Variants in TRRAP observed in about 807,000 individuals in gnomAD.
TRRAP encodes transformation/transcription domain associated protein, also known as transformation/transcription domain-associated protein.
TRRAP carries 41 observed loss-of-function variants against 438.8 expected under a neutral mutation model. The ratio of observed to expected loss-of-function variants is 0.09; its 90% CI spans 0.07 to 0.12. The LOEUF is 0.12. Among genes scored for constraint, TRRAP ranks in the 10% least tolerant of loss-of-function variants. The pLI is 1.00. For synonymous variants in TRRAP, 1,994 were observed against 1,962.9 expected (o/e 1.02, Z -0.42); for missense variants, 3,122 against 5,055.1 (o/e 0.62, Z 11.60).
Position 99,007,461 on chromosome 7 carries a change from G to A in TRRAP, c.10754-916G>A, listed in dbSNP as rs576574997. On this transcript the variant is annotated intron_variant, in intron 69 of 72. Transcript: ENST00000456197. ...CCTCCTGGGTTCAAGCAATTCTTCT[G>A]CCTCAGCCTCCCGAGTAGCTGGGAC... 2.1e-3 allele frequency among the ~76,000 whole-genome samples: 316 copies of A among 151,866 alleles called. 1 individual carries two copies. The highest frequency in any genetic ancestry group is 7.3e-3 in the African/African-American group (301 of 41,410).
intron 21 of TRRAP, among the ~76,000 whole-genome samples, chr7:98,924,637 G>A (rs550871817): frequency 1.7e-4 from 22 of 131,674 alleles, no homozygotes; most frequent in Admixed American, 5.3e-4. Context: ...TGCAGTGAGC[G>A]GAGATGGCAC....
chr7:98,908,755 C>T lies in TRRAP; in HGVS notation c.1143C>T (p.Asp381=), dbSNP rs782278872. The T allele has an allele frequency of 4.8e-5, 75 of 1,561,620 alleles. No homozygotes were observed. The highest frequency in any genetic ancestry group is 6.1e-5 in the Non-Finnish European group (70 of 1,153,776). ...LRPLAYSTLA[D]LVHHVRQHLP... ...CCCTCGCCTACAGCACGCTGGCCGA[C>T]CTCGTGCACCATGTCCGCCAGCACC... The change falls in exon 14 of 73, where the codon GAC becomes GAT. Residue 381 remains aspartate (D), a synonymous_variant. Coordinates refer to ENST00000456197, the MANE Select transcript of TRRAP (RefSeq NM_001375524.1). This position sits in a 1 kb window ranked among gnomAD's most constrained non-coding sequence, Gnocchi z 4.1.
chr7:98,914,595 A>T (rs538489732), intron 18 of TRRAP, among the ~76,000 whole-genome samples: 15 of 151,766 alleles, frequency 9.9e-5, no homozygotes, highest in African/African-American at 3.4e-4. Context: ...CATGCCTGTA[A>T]TCTCAGCTAC....
intron 67 of TRRAP, among the ~76,000 whole-genome samples, chr7:99,001,489 A>G (rs1040539025): frequency 5.9e-5 from 9 of 152,232 alleles, no homozygotes; most frequent in African/African-American, 1.9e-4. Context: ...TATTAAATCA[A>G]AAAAGTAGAG....
rs572667052 is a variant in TRRAP, at chr7:98,957,638, A to G, written c.6232-343A>G. 2.2e-3 allele frequency among the ~76,000 whole-genome samples: 334 copies of G among 152,148 alleles called. 1 individual carries two copies. Among genetic ancestry groups the G allele is most frequent in the African/African-American group, 7.7e-3 (320 of 41,502 alleles). ...GGTTCTGGCCCTGTGCTCACTCAGG[A>G]TGTGTCCCCTGGCCTTTTCCCTCCA... On this transcript the variant is annotated intron_variant, in intron 43 of 72. Coordinates refer to ENST00000456197, the MANE Select transcript of TRRAP (RefSeq NM_001375524.1).
chr7:98,980,245 C>T (rs1792852482), intron 58 of TRRAP, among the ~76,000 whole-genome samples: 1 of 152,090 alleles, frequency 6.6e-6, no homozygotes, highest in Non-Finnish European at 1.5e-5. Context: ...GCATGCAGTC[C>T]TTGGGACAGA....
At chr7:98,958,139 T>C in intron 44 of TRRAP, 48 bp downstream of exon 44, 10 of 1,527,880 alleles carry the variant, frequency 6.5e-6, no homozygotes, top group Non-Finnish European at 8.1e-6. Context: ...GACCAGAGGC[T>C]ACTGACTAAC....
In TRRAP at chr7:98,892,509, T is replaced by G; in HGVS notation, c.347T>G (p.Val116Gly). The G allele has an allele frequency of 6.2e-7, 1 of 1,611,522 alleles. No individual in the cohort carries two copies. The highest frequency in any genetic ancestry group is 1.7e-5 in the Admixed American group (1 of 59,204). Residue 116 changes from valine to glycine, a missense_variant, in exon 5 of 73, where the codon GTG becomes GGG. By Grantham distance (109) the Val-to-Gly change is moderately radical. Around this residue, in one of 24 missense-constraint regions of TRRAP, gnomAD observed 343 missense variants for 564.0 expected, o/e 0.61. Transcript: ENST00000456197. ...CCTCACACAAAAAATGTTTTGTCTG[T>G]GATGTTTCGCTTTTTAGAGGTAAGT... ...LRPHTKNVLS[V>G]MFRFLETENE...
chr7:98,955,512 CTT>C (rs1791558276), intron 41 of TRRAP, among the ~76,000 whole-genome samples: 1 of 152,058 alleles, frequency 6.6e-6, no homozygotes, highest in African/African-American at 2.4e-5. Flanking sequence ...GTGTGTGTGT[CTT>C]TGCGTCTGAG....
intron 67 of TRRAP, among the ~76,000 whole-genome samples, chr7:99,000,421 C>A (rs534087866): frequency 8.3e-4 from 127 of 152,360 alleles, no homozygotes; most frequent in African/African-American, 3.0e-3. Flanking sequence ...ACTACATATA[C>A]TATGGAAATC....
At chr7:98,883,955 G>A (rs1382205397) in intron 3 of TRRAP, among the ~76,000 whole-genome samples, 4 of 152,182 alleles carry the variant, frequency 2.6e-5, no homozygotes, top group Non-Finnish European at 5.9e-5. Flanking sequence ...CTGAATTTGC[G>A]TAGGCTTGGT....
intron 47 of TRRAP, among the ~76,000 whole-genome samples, chr7:98,962,944 G>T (rs1791981081): frequency 6.6e-6 from 1 of 152,268 alleles, no homozygotes; most frequent in South Asian, 2.1e-4. Context: ...CAGTTTTGTG[G>T]CAGACACATG....
In TRRAP at chr7:98,881,175, G is replaced by T. The variant is rs377436176; in HGVS notation, c.25G>T (p.Ala9Ser). The T allele has an allele frequency of 6.2e-7, 1 of 1,609,832 alleles. No individual in the cohort carries two copies. Among genetic ancestry groups the T allele is most frequent in the Non-Finnish European group, 8.5e-7 (1 of 1,177,890 alleles). The change falls in exon 2 of 73, where the codon GCC becomes TCC. Residue 9 changes from alanine to serine, a missense_variant. This residue lies in a region of TRRAP where 343 missense variants were observed against 564.0 expected (regional missense o/e 0.61). Transcript: ENST00000456197. ...AATGGCGTTTGTTGCAACACAGGGG[G>T]CCACGGTGGTTGACCAGACCACTTT... is the stretch of plus-strand genomic sequence containing the variant. MAFVATQG[A>S]TVVDQTTLMK...
intron 39 of TRRAP, 70 bp from the exon 40 acceptor site, chr7:98,953,097 T>A: frequency 6.6e-6 from 10 of 1,525,114 alleles, no homozygotes; most frequent in African/African-American, 1.4e-5. Flanking sequence ...GGCTTAAACC[T>A]GTCGTATGAC....
At chr7:98,886,298 TC>T (rs1795691108) in intron 3 of TRRAP, among the ~76,000 whole-genome samples, 1 of 151,672 alleles carries the variant, frequency 6.6e-6, no homozygotes. Context: ...TATCTATCTA[TC>T]ATAGATATAG....
At chr7:98,923,314 C>G (rs746607139) in intron 21 of TRRAP, among the ~76,000 whole-genome samples, 1 of 152,144 alleles carries the variant, frequency 6.6e-6, no homozygotes. Context: ...GAGGTAGGAT[C>G]GTAAAGGTCT....
At chr7:98,949,183 G>A (rs1401597324) in intron 35 of TRRAP, among the ~76,000 whole-genome samples, 2 of 151,770 alleles carry the variant, frequency 1.3e-5, no homozygotes, top group Non-Finnish European at 2.9e-5. Flanking sequence ...AGTGAGCTAT[G>A]ATTTTACCAC....
chr7:98,911,339 CATTT>C, intron 17 of TRRAP, 68 bp downstream of exon 17: 1 of 1,396,058 alleles, frequency 7.2e-7, no homozygotes, highest in South Asian at 1.5e-5. Flanking sequence ...AATACTTTTT[CATTT>C]ATTTCAAGGA....
chr7:98,915,646 A>G, intron 18 of TRRAP, 77 bp from the exon 19 acceptor site: 1 of 1,510,874 alleles, frequency 6.6e-7, no homozygotes, highest in Non-Finnish European at 8.9e-7. Context: ...GTCGGATTAC[A>G]GTGACACTTT....
Sources: allele counts gnomAD v4.1 joint callset (sites outside exome capture counted in the v4.1 genomes callset), GRCh38; gene constraint gnomAD v4.1.1; regional missense constraint gnomAD v4.1.1; non-coding constraint Gnocchi (gnomAD v3.1); transcripts MANE v1.5; gene names NCBI Gene and HGNC (gene_info 2026-07-23, HGNC 2026-07-21).